The following PDE1A variants were observed in gnomAD, a reference collection of about 807,000 sequenced individuals.
PDE1A encodes the protein phosphodiesterase 1A, also known as dual specificity calcium/calmodulin-dependent 3',5'-cyclic nucleotide phosphodiesterase 1A.
A neutral mutation model predicts 61.7 loss-of-function variants in PDE1A; 35 were observed. The observed-to-expected ratio is 0.57, with a 90% CI of 0.43 to 0.75. The LOEUF (loss-of-function observed/expected upper bound fraction) is 0.75. Among genes scored for constraint, PDE1A ranks in the 30% least tolerant of loss-of-function variants. The pLI is 0.00. For synonymous variants in PDE1A, 232 were observed against 213.2 expected, an observed-to-expected ratio of 1.09 and a Z score of -0.77; for missense variants, 597 against 630.6, an observed-to-expected ratio of 0.95 and a Z score of 0.57.
At chr2:182,169,468 C>A (rs1342594115) in intron 13 of PDE1A, among the ~76,000 whole-genome samples, 1 of 151,810 alleles carries the variant, frequency 6.6e-6, no homozygotes, top group African/African-American at 2.4e-5. Flanking sequence ...TTATTGATCA[C>A]AACAATGAGA....
chr2:182,332,226 T>C (rs758396860), intron 1 of PDE1A, among the ~76,000 whole-genome samples: 2 of 152,232 alleles, frequency 1.3e-5, no homozygotes, highest in Non-Finnish European at 2.9e-5. Flanking sequence ...TTCTCTAAAC[T>C]AGTTATTCTA....
intron 1 of PDE1A, among the ~76,000 whole-genome samples, chr2:182,395,222 C>A (rs932064450): frequency 1.3e-5 from 2 of 152,212 alleles, no homozygotes; most frequent in African/African-American, 4.8e-5. Flanking sequence ...AGCAGTATAC[C>A]TTTACTTTCC....
intron 7 of PDE1A, among the ~76,000 whole-genome samples, chr2:182,217,897 G>A (rs1270044992): frequency 1.3e-5 from 2 of 151,988 alleles, no homozygotes; most frequent in Non-Finnish European, 2.9e-5. Context: ...AATACCATTC[G>A]ACCCAGCCAT....
At chr2:182,412,989 TG>T (rs1702705696) in intron 1 of PDE1A, among the ~76,000 whole-genome samples, 1 of 152,076 alleles carries the variant, frequency 6.6e-6, no homozygotes, top group South Asian at 2.1e-4. Flanking sequence ...AATTAGGACT[TG>T]AAGCATGGAC....
chr2:182,232,095 G>A (rs767476889), intron 4 of PDE1A, among the ~76,000 whole-genome samples: 20 of 152,160 alleles, frequency 1.3e-4, no homozygotes, highest in Non-Finnish European at 2.2e-4. Context: ...AAGGAAGTGG[G>A]CCTTTTGATT....
intron 10 of PDE1A, among the ~76,000 whole-genome samples, chr2:182,191,954 C>T (rs1014821182): frequency 1.1e-4 from 16 of 151,802 alleles, no homozygotes; most frequent in African/African-American, 3.9e-4. Flanking sequence ...CTCCCAGGTT[C>T]AAGCAATTCT....
the PDE1A span, among the ~76,000 whole-genome samples, chr2:182,669,977 G>T: frequency 7.2e-5 from 11 of 152,182 alleles, no homozygotes; most frequent in Non-Finnish European, 1.5e-4. Flanking sequence ...AAGGTTGCCA[G>T]GTGCAGGTCA....
intron 2 of PDE1A, among the ~76,000 whole-genome samples, chr2:182,501,520 A>T (rs1402059981): frequency 6.6e-6 from 1 of 152,222 alleles, no homozygotes; most frequent in East Asian, 1.9e-4. Flanking sequence ...AAGCCTCCTA[A>T]TGAAATGTAA....
chr2:182,404,492 CTG>C (rs1702193257), intron 1 of PDE1A, among the ~76,000 whole-genome samples: 1 of 152,158 alleles, frequency 6.6e-6, no homozygotes, highest in South Asian at 2.1e-4. Context: ...CTTACTGTAA[CTG>C]TTTCATTTTA....
intron 2 of PDE1A, among the ~76,000 whole-genome samples, chr2:182,476,905 A>AC (rs1391552403): frequency 6.8e-6 from 1 of 146,654 alleles, no homozygotes; most frequent in Non-Finnish European, 1.5e-5. Flanking sequence ...AAAAAAAAAA[A>AC]AAAACTCTGA....
intron 2 of PDE1A, among the ~76,000 whole-genome samples, chr2:182,442,460 G>T (rs1684855141): frequency 6.6e-6 from 1 of 151,946 alleles, no homozygotes; most frequent in Admixed American, 6.6e-5. Flanking sequence ...ACTTGAAAAA[G>T]AACTGCAGAT....
chr2:182,267,428 TGC>T (rs778406289), intron 1 of PDE1A, among the ~76,000 whole-genome samples: 1 of 87,174 alleles, frequency 1.1e-5, no homozygotes, highest in East Asian at 3.5e-4. Context: ...CATGCACACA[TGC>T]ACACACACAC....
At chr2:182,221,826 A>G (rs1252575500) in intron 7 of PDE1A, among the ~76,000 whole-genome samples, 1 of 152,038 alleles carries the variant, frequency 6.6e-6, no homozygotes, top group Non-Finnish European at 1.5e-5. Context: ...TGCCACTGCC[A>G]TCACCTGACC....
chr2:182,706,294 TCTCAGCATA>T, the PDE1A span, among the ~76,000 whole-genome samples: 2 of 152,208 alleles, frequency 1.3e-5, no homozygotes, highest in African/African-American at 4.8e-5. Context: ...TGAGTAGGAT[TCTCAGCATA>T]TTAGCCTGAA....
chr2:182,497,638 C>T (rs1688794772), intron 2 of PDE1A, among the ~76,000 whole-genome samples: 1 of 152,068 alleles, frequency 6.6e-6, no homozygotes, highest in Non-Finnish European at 1.5e-5. Flanking sequence ...CACAAAAAGG[C>T]TTAGACATAC....
rs1368626386 is a variant in PDE1A, at chr2:182,218,907, TGCAAAATACTCTA to T, written c.776+4944_776+4956del. On this transcript the variant is annotated intron_variant, in intron 7 of 13. Coordinates refer to ENST00000351439, the Ensembl canonical transcript of PDE1A. ...CCTTCTGATTTGTAATCCAGACACC[TGCAAAATACTCTA>T]GATATATCAAAGTGAATAAAATTAC... Among the ~76,000 whole-genome samples the T allele has an allele frequency of 1.2e-4, 18 of 152,220 alleles. No individual in the cohort carries two copies. In the South Asian group the frequency reaches 3.7e-3, roughly 32 times the overall value.
At chr2:182,446,934 GAGATAATAT>G (rs1685176392) in intron 2 of PDE1A, among the ~76,000 whole-genome samples, 1 of 145,568 alleles carries the variant, frequency 6.9e-6, no homozygotes, top group African/African-American at 2.4e-5. Flanking sequence ...TTTTTTAAGT[GAGATAATAT>G]ATATATATAT....
chr2:182,140,852 GAAAA>G (rs1250418647), exon 15 of PDE1A: 3 of 131,262 alleles, frequency 2.3e-5, no homozygotes, highest in Non-Finnish European at 3.2e-5. Flanking sequence ...AAGCTTAAAA[GAAAA>G]AGAAAGAAAA....
chr2:182,628,360 CA>C, the PDE1A span, among the ~76,000 whole-genome samples: 3 of 152,182 alleles, frequency 2.0e-5, no homozygotes, highest in Non-Finnish European at 4.4e-5. Context: ...CACATTTTAA[CA>C]TTTTTTAATT....
Sources: gnomAD v4.1 joint callset for allele counts (sites outside exome capture counted in the v4.1 genomes callset) on GRCh38, gnomAD v4.1.1 for gene constraint, MANE v1.5 for transcripts, NCBI Gene and HGNC (gene_info 2026-07-23, HGNC 2026-07-21) for gene names.